The following MACF1 variants were observed in gnomAD, a reference collection of about 807,000 sequenced individuals.
MACF1 encodes the protein microtubule-actin cross-linking factor 1.
Under a neutral mutation model 854.8 loss-of-function variants are expected in MACF1, and 193 were observed. That is an observed-to-expected ratio of 0.23 (90% CI 0.20 to 0.25). The LOEUF (loss-of-function observed/expected upper bound fraction) is 0.25. MACF1 is among the 10% of genes least tolerant of loss of function. The probability of loss-of-function intolerance (pLI) is 1.00; values close to 1 mark genes in which losing one functional copy is unlikely to be tolerated. For missense variants in MACF1, 7,722 were observed against 8,929.1 expected (o/e 0.86, Z 5.45); for synonymous variants, 3,185 against 3,226.7 (o/e 0.99, Z 0.44).
intron 2 of MACF1, among the ~76,000 whole-genome samples, chr1:39,087,584 C>T (rs1641705139): frequency 6.6e-6 from 1 of 152,196 alleles, no homozygotes; most frequent in Non-Finnish European, 1.5e-5. Context: ...CAGCCACATT[C>T]AAATGTAACA....
intron 2 of MACF1, among the ~76,000 whole-genome samples, chr1:39,245,141 C>T (rs968853108): frequency 6.6e-6 from 1 of 152,136 alleles, no homozygotes; most frequent in Non-Finnish European, 1.5e-5. Flanking sequence ...AACACATAAC[C>T]AGAATTTTGA....
chr1:39,450,688 T>C (rs1644324948), intron 84 of MACF1, among the ~76,000 whole-genome samples: 1 of 146,726 alleles, frequency 6.8e-6, no homozygotes, highest in Non-Finnish European at 1.5e-5. Context: ...CTCGGCTCAC[T>C]GCAAGCTCTG....
chr1:39,357,504 G>A lies in MACF1; in HGVS notation c.11554G>A (p.Gly3852Arg), dbSNP rs369559992. The A allele has an allele frequency of 2.9e-5, 47 of 1,614,132 alleles. No individual in the cohort carries two copies. Among genetic ancestry groups the A allele is most frequent in the Non-Finnish European group, 3.8e-5 (45 of 1,180,034 alleles). ...GCAACAGATGCTGCAACAGAAGCTG[G>A]GAGAGCTAAAGGAACAATACTCTAC... ...EEQQMLQQKLGELKEQYSTSL... is the reference protein window; with the variant it reads ...EEQQMLQQKLRELKEQYSTSL... The change falls in exon 45 of 101, where the codon GGA becomes AGA. Residue 3852 changes from glycine to arginine, a missense_variant. Transcript: ENST00000564288.
intron 58 of MACF1, among the ~76,000 whole-genome samples, chr1:39,405,706 A>G (rs1012408108): frequency 2.0e-5 from 3 of 152,246 alleles, no homozygotes; most frequent in African/African-American, 2.4e-5. Flanking sequence ...GAATTTCAAA[A>G]TGAGTAGAGA....
In MACF1 at chr1:39,332,807, T is replaced by C. The variant is rs757740889; in HGVS notation, c.6219T>C (p.Ser2073=). The change falls in exon 37 of 101, where the codon TCT becomes TCC. Residue 2073 remains serine, a synonymous_variant. Transcript: ENST00000564288. ...CCACTGTAGAAACAGAAGATTCTTC[T>C]GTAGAGAACCCTGAACAGGATCTGT... is the stretch of plus-strand genomic sequence containing the variant. The part of the protein sequence containing the change: ...KKTTVETEDS[S]VENPEQDLFV... The C allele has an allele frequency of 1.2e-6, 2 of 1,614,028 alleles. No homozygotes were observed. Among genetic ancestry groups the C allele is most frequent in the African/African-American group, 2.7e-5 (2 of 74,896 alleles).
chr1:39,110,543 T>C (rs1489176061), intron 2 of MACF1, among the ~76,000 whole-genome samples: 4 of 152,052 alleles, frequency 2.6e-5, no homozygotes. Context: ...TGGCCTACAC[T>C]CAGTTTTTAA....
At chr1:39,308,330 C>G (rs1168379459) in intron 23 of MACF1, among the ~76,000 whole-genome samples, 2 of 151,800 alleles carry the variant, frequency 1.3e-5, no homozygotes, top group Admixed American at 6.6e-5. Context: ...TTTGTTGTTG[C>G]TTTTTTATAT....
intron 2 of MACF1, among the ~76,000 whole-genome samples, chr1:39,123,210 T>A (rs1433559087): frequency 6.7e-5 from 2 of 29,692 alleles, no homozygotes; most frequent in East Asian, 1.7e-3. Flanking sequence ...TAAATTTTTT[T>A]TTTTTTTTTT....
intron 99 of MACF1, among the ~76,000 whole-genome samples, chr1:39,481,942 A>G (rs528923057): frequency 6.6e-6 from 1 of 152,320 alleles, no homozygotes; most frequent in East Asian, 1.9e-4. Context: ...GGTTTAGAAT[A>G]TGATCTGGGG....
At chr1:39,241,050 GT>G (rs34414583) in intron 2 of MACF1, among the ~76,000 whole-genome samples, 5,414 of 129,348 alleles carry the variant, frequency 0.042, 254 homozygotes, top group African/African-American at 0.12. Flanking sequence ...ACTATAATCT[GT>G]TTTTTTTTTT....
At chr1:39,355,889 G>C (rs1647516937) in intron 44 of MACF1, among the ~76,000 whole-genome samples, 1 of 152,120 alleles carries the variant, frequency 6.6e-6, no homozygotes, top group Admixed American at 6.5e-5. Context: ...TTAAGAGACA[G>C]TCTTGCTATG....
At chr1:39,113,185 G>T (rs929527665) in intron 2 of MACF1, among the ~76,000 whole-genome samples, 4 of 151,900 alleles carry the variant, frequency 2.6e-5, no homozygotes, top group African/African-American at 9.7e-5. Context: ...CATTCTTTCA[G>T]TGCTTCTAAG....
At chr1:39,168,471 G>A (rs751545825) in intron 2 of MACF1, among the ~76,000 whole-genome samples, 1 of 152,132 alleles carries the variant, frequency 6.6e-6, no homozygotes, top group Non-Finnish European at 1.5e-5. Context: ...TCCAGGCAGG[G>A]CTGGGTTCAA....
intron 7 of MACF1, 65 bp downstream of exon 7, chr1:39,282,439 A>G (rs758640154): frequency 5.2e-5 from 77 of 1,466,954 alleles, no homozygotes; most frequent in Non-Finnish European, 7.1e-5. Flanking sequence ...GTAATTAGTT[A>G]TAATACTGTT....
intron 6 of MACF1, chr1:39,268,801 G>A (rs1383784631): frequency 1.6e-6 from 2 of 1,289,770 alleles, no homozygotes; most frequent in East Asian, 5.6e-5. Flanking sequence ...AAAAGGAGGT[G>A]GAGAGGGAAG....
At chr1:39,274,303 G>A (rs192369548) in intron 6 of MACF1, among the ~76,000 whole-genome samples, 1 of 152,158 alleles carries the variant, frequency 6.6e-6, no homozygotes, top group East Asian at 1.9e-4. Context: ...AAATAAAAAT[G>A]TAATAATACT....
intron 23 of MACF1, among the ~76,000 whole-genome samples, chr1:39,309,074 T>C (rs191591804): frequency 6.6e-6 from 1 of 152,278 alleles, no homozygotes; most frequent in Admixed American, 6.5e-5. Context: ...TTTTCAACAA[T>C]TCTGGATGGG....
At chr1:39,367,792 T>C (rs900621902) in intron 49 of MACF1, among the ~76,000 whole-genome samples, 3 of 141,166 alleles carry the variant, frequency 2.1e-5, no homozygotes, top group Non-Finnish European at 4.9e-5. Flanking sequence ...ATCAGATTTT[T>C]TAATTGGGCT....
upstream of MACF1, among the ~76,000 whole-genome samples, chr1:39,200,083 A>G (rs1431398719): frequency 6.6e-6 from 1 of 152,144 alleles, no homozygotes; most frequent in Non-Finnish European, 1.5e-5. Flanking sequence ...TTTCTCTACC[A>G]TGCCATCAAA....
Sources: gnomAD v4.1 joint callset for allele counts (sites outside exome capture counted in the v4.1 genomes callset) on GRCh38, gnomAD v4.1.1 for gene constraint, MANE v1.5 for transcripts, NCBI Gene and HGNC (gene_info 2026-07-23, HGNC 2026-07-21) for gene names.